The following NRG3 variants were observed in gnomAD, a reference collection of about 807,000 sequenced individuals.
NRG3 encodes the protein neuregulin 3.
A neutral mutation model predicts 66.9 loss-of-function variants in NRG3; 31 were observed. The ratio of observed to expected loss-of-function variants is 0.46; its 90% confidence interval spans 0.35 to 0.63. The LOEUF (loss-of-function observed/expected upper bound fraction) is 0.63. Among genes scored for constraint, NRG3 ranks in the 20% least tolerant of loss-of-function variants. The probability of loss-of-function intolerance (pLI) is 0.00; values close to 1 mark genes in which losing one functional copy is unlikely to be tolerated. For synonymous variants in NRG3, 393 were observed against 359.4 expected (o/e 1.09, Z -1.06); for missense variants, 910 against 878.9 (o/e 1.04, Z -0.45).
intron 1 of NRG3, among the ~76,000 whole-genome samples, chr10:81,916,234 A>G (rs4933811): frequency 0.3 from 45,787 of 151,998 alleles, 7,919 homozygotes; most frequent in East Asian, 0.58. Flanking sequence ...AACCTGGCCC[A>G]TAGTAGAAAG....
chr10:82,050,118 C>T (rs11192308), intron 1 of NRG3, among the ~76,000 whole-genome samples: 22,893 of 151,870 alleles, frequency 0.15, 2,093 homozygotes, highest in East Asian at 0.26. Flanking sequence ...TGAAGGAGAG[C>T]GATGCTTTAA....
At chr10:81,895,857 T>A (rs562965651) in intron 1 of NRG3, among the ~76,000 whole-genome samples, 1 of 152,264 alleles carries the variant, frequency 6.6e-6, no homozygotes, top group South Asian at 2.1e-4. Flanking sequence ...AACCATCTTA[T>A]AAACCAAGGT....
chr10:82,536,554 C>T (rs1346983044), intron 2 of NRG3, among the ~76,000 whole-genome samples: 2 of 152,048 alleles, frequency 1.3e-5, no homozygotes, highest in Admixed American at 6.6e-5. Context: ...TTTGTTTGCT[C>T]GTACTCATTT....
intron 3 of NRG3, among the ~76,000 whole-genome samples, chr10:82,830,398 T>G (rs2062456733): frequency 6.6e-6 from 1 of 152,242 alleles, no homozygotes; most frequent in Non-Finnish European, 1.5e-5. Context: ...GCTCAATATT[T>G]AATTTCATTG....
chr10:82,204,511 C>T (rs2075017036), intron 1 of NRG3, among the ~76,000 whole-genome samples: 1 of 152,174 alleles, frequency 6.6e-6, no homozygotes, highest in Non-Finnish European at 1.5e-5. Flanking sequence ...TGCAGTGTTT[C>T]CTTTACTGGC....
At chr10:82,450,215 C>A (rs1205561881) in intron 2 of NRG3, among the ~76,000 whole-genome samples, 1 of 152,140 alleles carries the variant, frequency 6.6e-6, no homozygotes, top group Non-Finnish European at 1.5e-5. Context: ...GATTTAATTA[C>A]CCCCATGGGC....
chr10:82,495,327 A>G (rs543891399), intron 2 of NRG3, among the ~76,000 whole-genome samples: 1 of 152,282 alleles, frequency 6.6e-6, no homozygotes, highest in East Asian at 1.9e-4. Flanking sequence ...TGGCATTATA[A>G]TAAGTTATGC....
At chr10:82,007,429 G>A (rs1589760647) in intron 1 of NRG3, among the ~76,000 whole-genome samples, 1 of 151,736 alleles carries the variant, frequency 6.6e-6, no homozygotes, top group East Asian at 1.9e-4. Context: ...AGATGGTTTC[G>A]ATCTCTTGAC....
At chr10:82,051,204 A>T (rs1277587432) in intron 1 of NRG3, among the ~76,000 whole-genome samples, 1 of 152,172 alleles carries the variant, frequency 6.6e-6, no homozygotes, top group East Asian at 1.9e-4. Context: ...ATAAAAGGAC[A>T]TTAATTTTTA....
At chr10:82,672,056 A>C (rs1361727830) in intron 2 of NRG3, among the ~76,000 whole-genome samples, 1 of 152,184 alleles carries the variant, frequency 6.6e-6, no homozygotes, top group Non-Finnish European at 1.5e-5. Context: ...AATATCAGCA[A>C]AATTTCAGTT....
chr10:82,740,752 G>A (rs1394755861), intron 3 of NRG3, among the ~76,000 whole-genome samples: 1 of 148,942 alleles, frequency 6.7e-6, no homozygotes, highest in African/African-American at 2.5e-5. Context: ...TTGAATCCAG[G>A]AGGCAAAGTT....
At chr10:82,618,326 G>A (rs374049315) in intron 2 of NRG3, among the ~76,000 whole-genome samples, 15 of 151,906 alleles carry the variant, frequency 9.9e-5, no homozygotes, top group Non-Finnish European at 1.5e-4. Flanking sequence ...GCAGGGAGAC[G>A]GGGGGGAATT....
intron 1 of NRG3, among the ~76,000 whole-genome samples, chr10:82,100,044 A>C (rs908402837): frequency 6.6e-6 from 1 of 151,538 alleles, no homozygotes; most frequent in African/African-American, 2.4e-5. Flanking sequence ...TTCTATGAAG[A>C]TGGAATACCT....
intron 2 of NRG3, among the ~76,000 whole-genome samples, chr10:82,654,547 T>A (rs1436479744): frequency 1.3e-5 from 2 of 152,254 alleles, no homozygotes; most frequent in African/African-American, 4.8e-5. Flanking sequence ...CTTAGATTTC[T>A]TCTAAATGTG....
At position 82,228,781 on chromosome 10, in the gene NRG3, T is replaced by C. The variant is rs1301693688; in HGVS notation, c.824-129958T>C. On this transcript the variant is annotated intron_variant, in intron 1 of 8. Transcript: ENST00000372141. Reference sequence around the variant, plus strand: ...AAAGGCTCCAGAGCCCAGTATGCCATTTCAGAAGTAGATGGTATGCCCTTC... The same window carrying C: ...AAAGGCTCCAGAGCCCAGTATGCCACTTCAGAAGTAGATGGTATGCCCTTC... 2.0e-5 allele frequency: 3 copies of C among 152,204 alleles called. No individual in the cohort carries two copies. In the East Asian group the frequency reaches 5.8e-4, roughly 29 times the overall value. The allele number at this position is 152,204 out of a possible 1,614,324, so 9.4% of individuals were successfully genotyped here. A position where few individuals can be genotyped will look rare whatever the true frequency, so the allele number is the denominator to read the frequency against.
intron 3 of NRG3, among the ~76,000 whole-genome samples, chr10:82,803,258 T>C (rs1398739738): frequency 3.3e-5 from 5 of 152,190 alleles, no homozygotes; most frequent in Non-Finnish European, 7.3e-5. Context: ...TAGAAAACTT[T>C]ATCTGTGGAT....
chr10:82,268,781 T>G (rs1342369999), intron 1 of NRG3, among the ~76,000 whole-genome samples: 1 of 152,034 alleles, frequency 6.6e-6, no homozygotes. Flanking sequence ...CTCTGGGGGA[T>G]GGGGTAATGG....
At chr10:82,312,170 T>C (rs1010705283) in intron 1 of NRG3, among the ~76,000 whole-genome samples, 2 of 152,140 alleles carry the variant, frequency 1.3e-5, no homozygotes, top group African/African-American at 4.8e-5. Context: ...CTTTATTTTA[T>C]ATCAGTGATA....
chr10:82,001,505 GA>G (rs1287072616), intron 1 of NRG3, among the ~76,000 whole-genome samples: 1 of 148,102 alleles, frequency 6.8e-6, no homozygotes. Context: ...TCCATCTGAG[GA>G]AAAAAAAGAA....
Sources: allele counts gnomAD v4.1 joint callset (sites outside exome capture counted in the v4.1 genomes callset), GRCh38; gene constraint gnomAD v4.1.1; transcripts MANE v1.5; gene names NCBI Gene and HGNC (gene_info 2026-07-23, HGNC 2026-07-21).